GABRB2: variants seen among roughly 807,000 people sequenced by gnomAD.
GABRB2 encodes gamma-aminobutyric acid type A receptor subunit beta2, also known as gamma-aminobutyric acid receptor subunit beta-2.
In GABRB2, 16 loss-of-function variants were observed where a neutral mutation model predicts 54.7. That is an observed-to-expected ratio of 0.29 (90% CI 0.20 to 0.44). GABRB2 has a LOEUF of 0.44. Ranked by LOEUF, GABRB2 falls within the 20% of genes least tolerant of loss-of-function variation. The pLI is 1.00. For synonymous variants in GABRB2, 244 were observed against 233.8 expected (o/e 1.04, Z -0.40); for missense variants, 355 against 644.0 (o/e 0.55, Z 4.86).
At chr5:161,503,974 A>G (rs941617360) in intron 3 of GABRB2, among the ~76,000 whole-genome samples, 1 of 152,172 alleles carries the variant, frequency 6.6e-6, no homozygotes, top group African/African-American at 2.4e-5. Flanking sequence ...GACTGTCACA[A>G]TGACAAAAAC....
chr5:161,436,050 G>T (rs1047685816), intron 4 of GABRB2, among the ~76,000 whole-genome samples: 1 of 152,114 alleles, frequency 6.6e-6, no homozygotes, highest in African/African-American at 2.4e-5. Flanking sequence ...AATTTCAGGG[G>T]TCAAAGAGAC....
intron 3 of GABRB2, among the ~76,000 whole-genome samples, chr5:161,472,336 A>G (rs761119924): frequency 6.6e-6 from 1 of 151,558 alleles, no homozygotes; most frequent in Non-Finnish European, 1.5e-5. Context: ...TGGAACACCC[A>G]TCTTACTGCC....
chr5:161,495,393 A>G (rs535736808), intron 3 of GABRB2, among the ~76,000 whole-genome samples: 1 of 152,194 alleles, frequency 6.6e-6, no homozygotes, highest in East Asian at 1.9e-4. Context: ...TGATTAACAT[A>G]GCAAAATAAT....
chr5:161,450,998 A>T (rs1003507259), intron 4 of GABRB2, among the ~76,000 whole-genome samples: 11 of 152,072 alleles, frequency 7.2e-5, no homozygotes, highest in Admixed American at 3.9e-4. Context: ...TATTCACTCA[A>T]TATCTTTATG....
At chr5:161,379,361 C>T (rs1755399719) in intron 5 of GABRB2, among the ~76,000 whole-genome samples, 1 of 152,098 alleles carries the variant, frequency 6.6e-6, no homozygotes, top group African/African-American at 2.4e-5. Flanking sequence ...AGAATTACTA[C>T]TACAGGATGT....
chr5:161,486,780 G>A (rs1163137373), intron 3 of GABRB2, among the ~76,000 whole-genome samples: 4 of 151,914 alleles, frequency 2.6e-5, no homozygotes, highest in Non-Finnish European at 4.4e-5. Flanking sequence ...ATTTCAGAGA[G>A]GCTTCAGCTC....
At chr5:161,463,567 A>T (rs1490267332) in intron 3 of GABRB2, among the ~76,000 whole-genome samples, 1 of 109,002 alleles carries the variant, frequency 9.2e-6, no homozygotes, top group African/African-American at 3.3e-5. Context: ...ATATATATAT[A>T]TATATATATA....
At chr5:161,347,419 A>G (rs1754348891) in intron 5 of GABRB2, among the ~76,000 whole-genome samples, 1 of 152,152 alleles carries the variant, frequency 6.6e-6, no homozygotes, top group South Asian at 2.1e-4. Flanking sequence ...ATCTGTAATT[A>G]TGTACACTCT....
intron 3 of GABRB2, among the ~76,000 whole-genome samples, chr5:161,518,802 A>G (rs1024562839): frequency 6.6e-6 from 1 of 152,232 alleles, no homozygotes; most frequent in Non-Finnish European, 1.5e-5. Flanking sequence ...TCAAATGTAG[A>G]AAAAGACATA....
chr5:161,505,836 A>G (rs925943980), intron 3 of GABRB2, among the ~76,000 whole-genome samples: 1 of 152,192 alleles, frequency 6.6e-6, no homozygotes, highest in Non-Finnish European at 1.5e-5. Flanking sequence ...TGTAAATAAT[A>G]TCAGACTTAA....
At chr5:161,434,471 T>A (rs963774222) in intron 4 of GABRB2, among the ~76,000 whole-genome samples, 7 of 152,258 alleles carry the variant, frequency 4.6e-5, no homozygotes, top group African/African-American at 1.7e-4. Context: ...ACCTCTCTCA[T>A]TTCTCATAGT....
intron 3 of GABRB2, among the ~76,000 whole-genome samples, chr5:161,535,803 T>C (rs2113464826): frequency 6.6e-6 from 1 of 152,306 alleles, no homozygotes; most frequent in Admixed American, 6.5e-5. Context: ...ATCCCCAGTG[T>C]GGCTCTGTTG....
upstream of GABRB2, chr5:161,548,228 G>A (rs1163252161): frequency 6.6e-6 from 1 of 152,332 alleles, no homozygotes; most frequent in African/African-American, 2.4e-5. Context: ...AGCTTGGGGT[G>A]GGGAAATTGG....
chr5:161,423,262 A>G (rs1209639222), intron 4 of GABRB2, among the ~76,000 whole-genome samples: 1 of 152,096 alleles, frequency 6.6e-6, no homozygotes, highest in Non-Finnish European at 1.5e-5. Flanking sequence ...TTGTGTTGGG[A>G]AAAATCCCTC....
At chr5:161,364,641 A>G (rs976378199) in intron 5 of GABRB2, among the ~76,000 whole-genome samples, 1 of 152,154 alleles carries the variant, frequency 6.6e-6, no homozygotes, top group African/African-American at 2.4e-5. Context: ...CCCATAGCAT[A>G]CCTTAAAGTG....
intron 3 of GABRB2, among the ~76,000 whole-genome samples, chr5:161,510,627 T>C (rs1759738593): frequency 6.6e-6 from 1 of 151,762 alleles, no homozygotes; most frequent in African/African-American, 2.4e-5. Flanking sequence ...GGATAATAAA[T>C]GTTTTGTTTT....
rs114656500 is a variant in GABRB2 at position 161,325,650 on chromosome 5, G to A, written c.1191+718C>T. 1.3e-3 allele frequency among the ~76,000 whole-genome samples: 191 copies of A among 152,194 alleles called. 1 individual carries two copies. Among genetic ancestry groups the A allele is most frequent in the African/African-American group, 4.3e-3 (177 of 41,548 alleles). ...GGAGTTGAACAAGTAGTAGATGATA[G>A]GGTGGAATGGTGACAATTATCATTT... On this transcript the variant is annotated intron_variant, in intron 9 of 9. Transcript: ENST00000393959.
At chr5:161,317,251 C>T (rs969942559) in intron 9 of GABRB2, among the ~76,000 whole-genome samples, 2 of 152,096 alleles carry the variant, frequency 1.3e-5, no homozygotes, top group African/African-American at 4.8e-5. Context: ...AGCCCTGGCT[C>T]GACCATTATT....
At chr5:161,307,890 G>A (rs1297531650) in intron 9 of GABRB2, among the ~76,000 whole-genome samples, 8 of 144,926 alleles carry the variant, frequency 5.5e-5, no homozygotes, top group East Asian at 2.0e-4. Flanking sequence ...ACCGAGTCTC[G>A]CTCTGTTGCC....
Sources: allele counts gnomAD v4.1 joint callset (sites outside exome capture counted in the v4.1 genomes callset), GRCh38; gene constraint gnomAD v4.1.1; transcripts MANE v1.5; gene names NCBI Gene and HGNC (gene_info 2026-07-23, HGNC 2026-07-21).